The following NT5C2 variants were observed in gnomAD, a reference collection of about 807,000 sequenced individuals.
NT5C2 encodes 5'-nucleotidase, cytosolic II.
In NT5C2, 58 loss-of-function variants were observed where a neutral mutation model predicts 76.1. The ratio of observed to expected loss-of-function variants is 0.76; its 90% CI spans 0.62 to 0.95. The LOEUF (loss-of-function observed/expected upper bound fraction) is 0.95, where lower values mean the gene tolerates loss of function less well. Among genes scored for constraint, NT5C2 ranks in the 40% least tolerant of loss-of-function variants. The pLI is 0.00. For synonymous variants in NT5C2, 229 were observed against 237.4 expected, an observed-to-expected ratio of 0.96 and a Z score of 0.32; for missense variants, 478 against 690.3, an observed-to-expected ratio of 0.69 and a Z score of 3.45.
At chr10:103,105,272 TA>T in intron 6 of NT5C2, 1 of 250,532 alleles carries the variant, frequency 4.0e-6, no homozygotes, top group Non-Finnish European at 7.6e-6. Flanking sequence ...CATTAGAATC[TA>T]AAAAACGTAT....
At position 103,153,208 on chromosome 10, in the gene NT5C2, A is replaced by G. The variant is rs1206934680; in HGVS notation, c.102-13729T>C. ...CTACCTCCACTCTCGGACTGGTAGCACTGCTTATTAATCTTTTAATTCATG... is the reference window on the plus strand; with the variant it reads ...CTACCTCCACTCTCGGACTGGTAGCGCTGCTTATTAATCTTTTAATTCATG... On this transcript the variant is annotated intron_variant, in intron 3 of 18. Transcript: ENST00000404739. 9 of 991,414 alleles carry G rather than the reference A, an allele frequency of 9.1e-6. No homozygotes were observed. In the African/African-American group the frequency reaches 1.4e-4, roughly 15 times the overall value. The allele number at this position is 991,414 out of a possible 1,614,324, so 61.4% of individuals were successfully genotyped here.
intron 10 of NT5C2, chr10:103,097,857 C>G (rs1173452667): frequency 8.3e-6 from 3 of 363,294 alleles, no homozygotes; most frequent in African/African-American, 6.6e-5. Context: ...ATACCCACAC[C>G]CACGTGCGCT....
intron 1 of NT5C2, among the ~76,000 whole-genome samples, chr10:103,183,059 T>C (rs1211054578): frequency 6.6e-6 from 1 of 151,886 alleles, no homozygotes; most frequent in Non-Finnish European, 1.5e-5. Context: ...CTTAAAAACA[T>C]GGAAAGTCAG....
chr10:103,162,647 C>T (rs983650217), intron 3 of NT5C2, among the ~76,000 whole-genome samples: 2 of 152,088 alleles, frequency 1.3e-5, no homozygotes, highest in Non-Finnish European at 2.9e-5. Context: ...GCGGTATCTA[C>T]AAAAACTAAA....
intron 4 of NT5C2, among the ~76,000 whole-genome samples, chr10:103,107,055 A>C (rs747540403): frequency 2.0e-5 from 3 of 152,220 alleles, no homozygotes; most frequent in Non-Finnish European, 4.4e-5. Flanking sequence ...TGTGATATTA[A>C]TCGTGAGAAT....
At chr10:103,118,232 A>G (rs2135586993) in intron 4 of NT5C2, among the ~76,000 whole-genome samples, 1 of 152,334 alleles carries the variant, frequency 6.6e-6, no homozygotes, top group East Asian at 1.9e-4. Flanking sequence ...TTCATAGTTA[A>G]AACTATAAAT....
intron 3 of NT5C2, among the ~76,000 whole-genome samples, chr10:103,154,090 G>T (rs374142121): frequency 1.3e-5 from 2 of 152,076 alleles, no homozygotes; most frequent in East Asian, 3.9e-4. Context: ...TGAAAAAAAA[G>T]AATCTGTAAC....
At chr10:103,102,226 G>C (rs1180737990) in intron 6 of NT5C2, among the ~76,000 whole-genome samples, 2 of 152,080 alleles carry the variant, frequency 1.3e-5, no homozygotes, top group Non-Finnish European at 2.9e-5. Context: ...TTGTATAGCA[G>C]CAAATGGGAT....
chr10:103,136,631 T>A (rs893394804), intron 4 of NT5C2, among the ~76,000 whole-genome samples: 5 of 151,768 alleles, frequency 3.3e-5, no homozygotes, highest in East Asian at 3.9e-4. Context: ...TAATTATTTT[T>A]TTTTTTTTTT....
At chr10:103,189,498 C>T (rs920301419) in intron 1 of NT5C2, among the ~76,000 whole-genome samples, 1 of 149,820 alleles carries the variant, frequency 6.7e-6, no homozygotes, top group African/African-American at 2.5e-5. Context: ...CCTAGCTACT[C>T]GGTAGGCTGA....
chr10:103,156,174 T>C (rs1361686336), intron 3 of NT5C2, among the ~76,000 whole-genome samples: 2 of 151,638 alleles, frequency 1.3e-5, no homozygotes, highest in Admixed American at 1.3e-4. Flanking sequence ...AAAAAAAAAT[T>C]TTTTTGAGGA....
chr10:103,123,354 CAT>C (rs1442058832), intron 4 of NT5C2, among the ~76,000 whole-genome samples: 1 of 152,066 alleles, frequency 6.6e-6, no homozygotes, highest in Non-Finnish European at 1.5e-5. Flanking sequence ...CACAGGTAAA[CAT>C]GTGCTATGGT....
chr10:103,124,021 T>TG (rs1404513536), intron 4 of NT5C2, among the ~76,000 whole-genome samples: 1 of 152,200 alleles, frequency 6.6e-6, no homozygotes, highest in Non-Finnish European at 1.5e-5. Flanking sequence ...TAGTCTTCCT[T>TG]GGGGTTAAGA....
chr10:103,124,839 G>A (rs1419767596), intron 4 of NT5C2, among the ~76,000 whole-genome samples: 2 of 148,836 alleles, frequency 1.3e-5, no homozygotes, highest in Non-Finnish European at 3.0e-5. Context: ...AAGTTGGAAT[G>A]TATGGGACTT....
chr10:103,141,927 G>T (rs891692394), intron 3 of NT5C2, among the ~76,000 whole-genome samples: 2 of 152,180 alleles, frequency 1.3e-5, no homozygotes, highest in African/African-American at 4.8e-5. Context: ...GGAGGAGAGA[G>T]TACCAGTTGT....
chr10:103,130,186 G>A (rs2077847576), intron 4 of NT5C2, among the ~76,000 whole-genome samples: 1 of 151,624 alleles, frequency 6.6e-6, no homozygotes, highest in Admixed American at 6.6e-5. Flanking sequence ...AGACATGGGA[G>A]ACTTTTCATT....
chr10:103,094,351 A>G lies in NT5C2; in HGVS notation c.918T>C (p.Asp306=). 1 of 1,577,154 alleles carries G rather than the reference A, an allele frequency of 6.3e-7. No homozygotes were observed. The highest frequency in any genetic ancestry group is 8.7e-7 in the Non-Finnish European group (1 of 1,146,314). ...ACAGATCATTCTCATGACTTACAGTATCCACCTGACGCAGTACTGTGCCTT... is the reference window on the plus strand; with the variant it reads ...ACAGATCATTCTCATGACTTACAGTGTCCACCTGACGCAGTACTGTGCCTT... The part of the protein sequence containing the change: ...FGEGTVLRQV[D]TKTGKLKIGT... The change falls in exon 13 of 19, where the codon GAT becomes GAC. Residue 306 remains aspartate (D), a synonymous_variant. Coordinates refer to ENST00000404739, the MANE Select transcript of NT5C2 (RefSeq NM_001351169.2).
rs1015636247 is a variant in NT5C2, at chr10:103,088,081, A to T, written c.*1591T>A. ...TTTCCTTTAAGAGAATATCAAACTGATGTCACCAAATCTAAACCCACTTGA... is the reference window on the plus strand; with the variant it reads ...TTTCCTTTAAGAGAATATCAAACTGTTGTCACCAAATCTAAACCCACTTGA... On this transcript the variant is annotated 3_prime_UTR_variant, in exon 19 of 19. Coordinates refer to ENST00000404739, the MANE Select transcript of NT5C2 (RefSeq NM_001351169.2). 1 of 152,252 alleles carries T rather than the reference A, an allele frequency of 6.6e-6. No homozygotes were observed. Among genetic ancestry groups the T allele is most frequent in the Admixed American group, 6.5e-5 (1 of 15,286 alleles). 9.4% of individuals were successfully genotyped at this position (152,252 alleles called of 1,614,324 possible). A position where few individuals can be genotyped will look rare whatever the true frequency, so the allele number is the denominator to read the frequency against.
intron 9 of NT5C2, 58 bp from the exon 10 acceptor site, chr10:103,099,042 G>C (rs1263896425): frequency 1.5e-6 from 2 of 1,372,132 alleles, no homozygotes. Context: ...TTAACATGTA[G>C]TTTATAAGAA....
Sources: allele counts gnomAD v4.1 joint callset (sites outside exome capture counted in the v4.1 genomes callset), GRCh38; gene constraint gnomAD v4.1.1; transcripts MANE v1.5; gene names NCBI Gene and HGNC (gene_info 2026-07-23, HGNC 2026-07-21).